Variants in TBC1D4 observed in about 807,000 individuals in gnomAD.
TBC1D4 encodes the protein TBC (Tre-2, BUB2, CDC16) domain-containing protein.
In TBC1D4, 121 loss-of-function variants were observed where a neutral mutation model predicts 142.5. The ratio of observed to expected loss-of-function variants is 0.85; its 90% confidence interval spans 0.73 to 0.99. The LOEUF (loss-of-function observed/expected upper bound fraction) is 0.99, where lower values mean the gene tolerates loss of function less well. TBC1D4 is among the 50% of genes least tolerant of loss of function. The probability of loss-of-function intolerance (pLI) is 0.00; values close to 1 mark genes in which losing one functional copy is unlikely to be tolerated. For missense variants in TBC1D4, 1,475 were observed against 1,606.6 expected (o/e 0.92, Z 1.40); for synonymous variants, 630 against 628.2 (o/e 1.00, Z -0.04).
chr13:75,362,163 G>A lies in TBC1D4; in HGVS notation c.943C>T (p.Arg315Trp), dbSNP rs1188975739. The A allele has an allele frequency of 7.4e-6, 12 of 1,613,292 alleles. No homozygotes were observed. The highest frequency in any genetic ancestry group is 1.7e-5 in the Admixed American group (1 of 60,008). ...GFDEQQEFRS[R>W]CSSVTGVQRR... is the part of the protein sequence containing the mutation. Reference sequence around the variant, plus strand: ...TGCACGCCGGTGACACTGCTGCACCGAGACCGAAACTCCTGCTGCTCATCA... The same window carrying A: ...TGCACGCCGGTGACACTGCTGCACCAAGACCGAAACTCCTGCTGCTCATCA... Residue 315 changes from arginine (R) to tryptophan (W), a missense_variant, in exon 2 of 21, where the codon CGG (arginine) becomes TGG (tryptophan). Physicochemically the swap from Arg to Trp is moderately radical, Grantham distance 101. Coordinates refer to ENST00000377636, the MANE Select transcript of TBC1D4 (RefSeq NM_014832.5). The surrounding 1 kb of genome is among the most constrained non-coding windows in gnomAD (Gnocchi z 4.2).
chr13:75,368,172 C>A (rs1181335681), intron 1 of TBC1D4, among the ~76,000 whole-genome samples: 1 of 152,168 alleles, frequency 6.6e-6, no homozygotes, highest in African/African-American at 2.4e-5. Context: ...GAGTAATACA[C>A]TGATTTGAAA....
chr13:75,345,693 G>A (rs1593764846), intron 5 of TBC1D4, among the ~76,000 whole-genome samples: 1 of 150,198 alleles, frequency 6.7e-6, no homozygotes, highest in East Asian at 2.0e-4. Flanking sequence ...AGGAGTTTGA[G>A]ACCAGCCTGG....
rs373260758 is a variant in TBC1D4, at chr13:75,326,182, G to A, written c.2033+15C>T. 2.3e-5 allele frequency: 37 copies of A among 1,613,528 alleles called. No individual in the cohort carries two copies. In the African/African-American group the frequency reaches 4.1e-4, roughly 18 times the overall value. Reference sequence around the variant, plus strand: ...TTGAGAATCTAGGTCTCATTCTGGAGAGGGTCAGACTCACCTGCACTGTTC... The same window carrying A: ...TTGAGAATCTAGGTCTCATTCTGGAAAGGGTCAGACTCACCTGCACTGTTC... On this transcript the variant is annotated intron_variant, in intron 10 of 20. Transcript: ENST00000377636.
chr13:75,342,024 CCT>C (rs1880748398), intron 5 of TBC1D4, among the ~76,000 whole-genome samples: 1 of 152,108 alleles, frequency 6.6e-6, no homozygotes, highest in African/African-American at 2.4e-5. Context: ...TCTTTTACAC[CCT>C]GTCTCTACTA....
chr13:75,446,277 G>C (rs1378912331), intron 1 of TBC1D4, among the ~76,000 whole-genome samples: 3 of 152,172 alleles, frequency 2.0e-5, no homozygotes, highest in Non-Finnish European at 4.4e-5. Context: ...TTAAATAAAG[G>C]AGACGATTCC....
At position 75,481,715 on chromosome 13, in the gene TBC1D4, G is replaced by A; in HGVS notation, c.53C>T (p.Pro18Leu). The change falls in exon 1 of 21, where the codon CCC becomes CTC. Residue 18 changes from proline to leucine, a missense_variant. By Grantham distance (98) the Pro-to-Leu change is moderately conservative. This residue lies in a region of TBC1D4 where 1,227 missense variants were observed against 1,267.7 expected (regional missense o/e 0.97). Coordinates refer to ENST00000377636, the MANE Select transcript of TBC1D4 (RefSeq NM_014832.5). ...GGGCTGAGCTGAGACGCCCGGCTCG[G>A]GCTCCAGGGGGTGCGGGAACGGCTC... ...QDEPFPHPLE[P>L]EPGVSAQPGP... 2 of 1,596,178 alleles carry A rather than the reference G, an allele frequency of 1.3e-6. No homozygotes were observed. Among genetic ancestry groups the A allele is most frequent in the African/African-American group, 2.7e-5 (2 of 73,590 alleles).
At chr13:75,440,593 G>A (rs1222973385) in intron 1 of TBC1D4, among the ~76,000 whole-genome samples, 1 of 151,734 alleles carries the variant, frequency 6.6e-6, no homozygotes, top group Admixed American at 6.6e-5. Flanking sequence ...GTCACTGCAT[G>A]CCCAGGCTGG....
At chr13:75,406,078 C>T (rs1227597796) in intron 1 of TBC1D4, among the ~76,000 whole-genome samples, 4 of 152,216 alleles carry the variant, frequency 2.6e-5, no homozygotes, top group African/African-American at 4.8e-5. Context: ...TGAATTCGTT[C>T]GCTCCGGCCT....
chr13:75,341,876 G>A (rs970139871), intron 5 of TBC1D4, among the ~76,000 whole-genome samples: 26 of 152,248 alleles, frequency 1.7e-4, no homozygotes, highest in Non-Finnish European at 8.8e-5. Context: ...CACTTTGGGA[G>A]GTGGAGAGGA....
At chr13:75,476,120 A>G (rs9543942) in intron 1 of TBC1D4, among the ~76,000 whole-genome samples, 119,302 of 151,928 alleles carry the variant, frequency 0.79, 48,333 homozygotes, top group East Asian at 0.97. Flanking sequence ...GTGCACTCCT[A>G]TAATCCCAGC....
chr13:75,320,506 G>T (rs1878661122), intron 11 of TBC1D4, among the ~76,000 whole-genome samples: 1 of 151,886 alleles, frequency 6.6e-6, no homozygotes, highest in Non-Finnish European at 1.5e-5. Context: ...ATTAAATTTT[G>T]AAAAATTAAT....
At chr13:75,304,952 G>A (rs1424933167) in intron 15 of TBC1D4, among the ~76,000 whole-genome samples, 1 of 152,098 alleles carries the variant, frequency 6.6e-6, no homozygotes, top group Admixed American at 6.5e-5. Context: ...ATAGAACAAT[G>A]GTATGGTTTG....
chr13:75,414,644 T>C (rs1045310102), intron 1 of TBC1D4, among the ~76,000 whole-genome samples: 1 of 152,076 alleles, frequency 6.6e-6, no homozygotes, highest in Non-Finnish European at 1.5e-5. Context: ...TGTGTGTATA[T>C]GCATGTGTGT....
At chr13:75,441,402 G>C (rs1887034284) in intron 1 of TBC1D4, among the ~76,000 whole-genome samples, 1 of 151,948 alleles carries the variant, frequency 6.6e-6, no homozygotes, top group Non-Finnish European at 1.5e-5. Context: ...ATATCTTCAA[G>C]AATAGGAACC....
At chr13:75,390,939 A>C (rs533566545) in intron 1 of TBC1D4, among the ~76,000 whole-genome samples, 56 of 151,068 alleles carry the variant, frequency 3.7e-4, no homozygotes, top group East Asian at 7.8e-4. Flanking sequence ...GAGCTTCCAC[A>C]AGTTCTGACC....
intron 14 of TBC1D4, among the ~76,000 whole-genome samples, chr13:75,308,295 A>C (rs1877385207): frequency 6.6e-6 from 1 of 152,234 alleles, no homozygotes; most frequent in Non-Finnish European, 1.5e-5. Context: ...TGATCTCAGA[A>C]TACACAGCAG....
Position 75,457,092 on chromosome 13 carries a change from T to G in TBC1D4, c.498+24178A>C, listed in dbSNP as rs1263885727. Among the ~76,000 whole-genome samples, 8 of 152,082 alleles carry G rather than the reference T, an allele frequency of 5.3e-5. No individual in the cohort carries two copies. The East Asian group carries it at 1.5e-3, about 29-fold the overall frequency. ...AGGCACAAGCAAAAGTCATCTATGA[T>G]GACAGAAATCAGGATAATGATTTCT... is the stretch of plus-strand genomic sequence containing the variant. On this transcript the variant is annotated intron_variant, in intron 1 of 20. Coordinates refer to ENST00000377636, the MANE Select transcript of TBC1D4 (RefSeq NM_014832.5).
At chr13:75,322,899 A>C (rs1392274511) in intron 11 of TBC1D4, among the ~76,000 whole-genome samples, 1 of 152,200 alleles carries the variant, frequency 6.6e-6, no homozygotes, top group Non-Finnish European at 1.5e-5. Flanking sequence ...AAGCACTCTA[A>C]AGTAAATTCT....
At chr13:75,402,563 T>C (rs1410237577) in intron 1 of TBC1D4, among the ~76,000 whole-genome samples, 1 of 152,086 alleles carries the variant, frequency 6.6e-6, no homozygotes, top group East Asian at 1.9e-4. Context: ...TAAAAGATCA[T>C]TTGTCTACCC....
Sources: allele counts gnomAD v4.1 joint callset (sites outside exome capture counted in the v4.1 genomes callset), GRCh38; gene constraint gnomAD v4.1.1; regional missense constraint gnomAD v4.1.1; non-coding constraint Gnocchi (gnomAD v3.1); transcripts MANE v1.5; gene names NCBI Gene and HGNC (gene_info 2026-07-23, HGNC 2026-07-21).